The following GOLGA8K variants were observed in gnomAD, a reference collection of about 807,000 sequenced individuals.
GOLGA8K encodes golgin subfamily A member 8K.
Under a neutral mutation model 75.2 loss-of-function variants are expected in GOLGA8K, and 12 were observed. The observed-to-expected ratio is 0.16, with a 90% CI of 0.10 to 0.26. The LOEUF (loss-of-function observed/expected upper bound fraction) is 0.26, where lower values mean the gene tolerates loss of function less well. GOLGA8K is among the 10% of genes least tolerant of loss of function. The pLI is 1.00. For missense variants in GOLGA8K, 109 were observed against 640.8 expected (o/e 0.17, Z 8.96); for synonymous variants, 48 against 236.6 (o/e 0.20, Z 7.32).
intron 10 of GOLGA8K, 73 bp from the exon 11 acceptor site, chr15:32,397,080 T>G: frequency 1.7e-6 from 1 of 580,654 alleles, no homozygotes; most frequent in Non-Finnish European, 2.9e-6. Flanking sequence ...TCTCCCTCTC[T>G]GCCCCCACCT....
chr15:32,397,478 G>C lies in GOLGA8K; in HGVS notation c.617C>G (p.Thr206Arg). ...NQLSSRSKAR[T>R]EWKLEQSMRE... ...CATGGACTGCTCTAACTTCCACTCC[G>C]TACGTGCTTTGCTGCGGCTGGACAA... is the stretch of plus-strand genomic sequence containing the variant. The change falls in exon 9 of 19, where the codon ACG becomes AGG. Residue 206 changes from threonine (T) to arginine (R), a missense_variant. Transcript: ENST00000512626. The C allele has an allele frequency of 6.5e-7, 1 of 1,536,962 alleles. No homozygotes were observed.
chr15:32,396,253 G>A, intron 12 of GOLGA8K, 34 bp downstream of exon 12: 1 of 652,434 alleles, frequency 1.5e-6, no homozygotes, highest in Non-Finnish European at 2.4e-6. Context: ...GAGGGCTAGG[G>A]AGGAGGGCAA....
chr15:32,398,197 C>T (rs960597549), intron 8 of GOLGA8K, among the ~76,000 whole-genome samples: 8 of 144,746 alleles, frequency 5.5e-5, no homozygotes, highest in African/African-American at 1.0e-4. Context: ...CACACATGCA[C>T]GCGTTTCCTC....
At chr15:32,398,368 C>A (rs1230869524) in intron 8 of GOLGA8K, among the ~76,000 whole-genome samples, 192 bp downstream of exon 8, 1 of 145,008 alleles carries the variant, frequency 6.9e-6, no homozygotes, top group Non-Finnish European at 1.5e-5. Context: ...TCACTCCACA[C>A]AGTGACCCCC....
chr15:32,401,669 G>A (rs2054691123), intron 1 of GOLGA8K, among the ~76,000 whole-genome samples, 194 bp from the exon 2 acceptor site: 1 of 85,578 alleles, frequency 1.2e-5, no homozygotes, highest in Non-Finnish European at 2.4e-5. Flanking sequence ...AAAGAAAAAG[G>A]CAATACTGGA....
rs765206727 is a variant in GOLGA8K at position 32,394,772 on chromosome 15, G to T, written c.1201-32C>A. The T allele has an allele frequency of 1.0e-5, 15 of 1,503,656 alleles. No homozygotes were observed. In the South Asian group the frequency reaches 1.6e-4, roughly 16 times the overall value. The allele number at this position is 1,503,656 out of a possible 1,614,324, so 93.1% of individuals were successfully genotyped here. On this transcript the variant is annotated intron_variant, in intron 13 of 18. Transcript: ENST00000512626. ...GGCCAGGACAGAGTGAGAAGGGGTG[G>T]AGTTTGCCAGGTCATCCCCCTCACA...
intron 10 of GOLGA8K, 65 bp from the exon 11 acceptor site, chr15:32,397,072 T>A: frequency 1.7e-6 from 1 of 574,360 alleles, no homozygotes; most frequent in Non-Finnish European, 3.0e-6. Flanking sequence ...GGCTGCCCTC[T>A]CCCTCTCTGC....
chr15:32,396,128 T>G, intron 12 of GOLGA8K, 97 bp from the exon 13 acceptor site: 2 of 699,774 alleles, frequency 2.9e-6, no homozygotes, highest in Non-Finnish European at 4.7e-6. Context: ...TGGAGGCAGG[T>G]TAGAAAAATC....
rs200244223 is a variant in GOLGA8K, at chr15:32,393,342, C to T, written c.1512G>A (p.Ala504=). ...LSEPGGCAKD[A]ALGGGHHQAG... The stretch of plus-strand genomic sequence containing the variant: ...CCTGATGGTGTCCTCCTCCCAGTGC[C>T]GCATCTTTGGCACAGCCCCCTGGTT... The change falls in exon 17 of 19, where the codon GCG becomes GCA. Residue 504 remains alanine, a synonymous_variant. Transcript: ENST00000512626. 2.9e-3 allele frequency: 3,018 copies of T among 1,025,984 alleles called. 276 individuals carry two copies. Among genetic ancestry groups the T allele is most frequent in the Middle Eastern group, 0.01 (33 of 3,232 alleles). The allele number at this position is 1,025,984 out of a possible 1,614,324, so 63.6% of individuals were successfully genotyped here. A position where few individuals can be genotyped will look rare whatever the true frequency, so the allele number is the denominator to read the frequency against.
intron 14 of GOLGA8K, 194 bp downstream of exon 14, chr15:32,394,471 A>G: frequency 1.6e-6 from 1 of 615,984 alleles, no homozygotes; most frequent in Non-Finnish European, 2.8e-6. Flanking sequence ...TGGCCAGTTC[A>G]GCCATCCTTA....
intron 12 of GOLGA8K, 112 bp from the exon 13 acceptor site, chr15:32,396,143 C>T (rs1240623089): frequency 4.3e-6 from 3 of 700,626 alleles, no homozygotes; most frequent in Non-Finnish European, 2.3e-6. Context: ...AAAATCACTC[C>T]CTCTCTCCCA....
At position 32,394,193 on chromosome 15, in the gene GOLGA8K, A is replaced by G. The variant is rs1286678910; in HGVS notation, c.1317T>C (p.Pro439=). The change falls in exon 15 of 19, where the codon CCT becomes CCC. Residue 439 remains proline, a synonymous_variant. Coordinates refer to ENST00000512626, the MANE Select transcript of GOLGA8K (RefSeq NM_001282493.2). The part of the protein sequence containing the change: ...EHLDSEGEEA[P]QPMPSVPEDL... ...CCTCTGGGACACTCGGCATGGGCTG[A>G]GGTGCCTCCTCCCCCTCACTGTCCA... 1 of 1,453,838 alleles carries G rather than the reference A, an allele frequency of 6.9e-7. No individual in the cohort carries two copies. Among genetic ancestry groups the G allele is most frequent in the Non-Finnish European group, 9.2e-7 (1 of 1,087,244 alleles). The allele number at this position is 1,453,838 out of a possible 1,614,324, so 90.1% of individuals were successfully genotyped here.
At chr15:32,401,616 T>C (rs2054690502) in intron 1 of GOLGA8K, 141 bp from the exon 2 acceptor site, 2 of 596,780 alleles carry the variant, frequency 3.4e-6, no homozygotes, top group East Asian at 9.8e-5. Context: ...GTCACACTCA[T>C]TTAGTGACTG....
rs1265924075 is a variant in GOLGA8K, at chr15:32,395,714, CTCT to C, written c.1200+246_1200+248del. Among the ~76,000 whole-genome samples the C allele has an allele frequency of 3.5e-4, 51 of 147,170 alleles. No individual in the cohort carries two copies. The East Asian group carries it at 0.01, about 29-fold the overall frequency. ...CATAAGGAGCCTGTTATACCACTGT[CTCT>C]TCCCCTGTGATTGGGGGCTCCATGC... On this transcript the variant is annotated intron_variant, in intron 13 of 18. Transcript: ENST00000512626.
intron 2 of GOLGA8K, among the ~76,000 whole-genome samples, 200 bp downstream of exon 2, chr15:32,401,156 C>G (rs1373145708): frequency 7.6e-6 from 1 of 131,964 alleles, no homozygotes; most frequent in Non-Finnish European, 1.6e-5. Context: ...CCGTGTTAAC[C>G]AGGATGGTCT....
rs1223463666 is a variant in GOLGA8K at position 32,394,379 on chromosome 15, GA to G, written c.1277-147del. 4.9e-5 allele frequency: 37 copies of G among 748,154 alleles called. 3 individuals are homozygous for G. Among genetic ancestry groups the G allele is most frequent in the Non-Finnish European group, 7.2e-5 (34 of 475,008 alleles). The allele number at this position is 748,154 out of a possible 1,614,324, so 46.3% of individuals were successfully genotyped here. A position where few individuals can be genotyped will look rare whatever the true frequency, so the allele number is the denominator to read the frequency against. ...TGTTGTTCTTTATTTTTACTTTTAA[GA>G]ATCAAGAGCTTGCTATTCCGCCCAG... On this transcript the variant is annotated intron_variant, in intron 14 of 18. Transcript: ENST00000512626.
rs1184522944 is a variant in GOLGA8K, at chr15:32,392,352, G to C, written c.*430C>G. On this transcript the variant is annotated 3_prime_UTR_variant, in exon 19 of 19. Coordinates refer to ENST00000512626, the MANE Select transcript of GOLGA8K (RefSeq NM_001282493.2). ...GAAGAGCTCACTGTGATTAAGATTAGATCAAACAACAGCAGAACATAGGCA... is the reference window on the plus strand; with the variant it reads ...GAAGAGCTCACTGTGATTAAGATTACATCAAACAACAGCAGAACATAGGCA... 2.4e-3 allele frequency among the ~76,000 whole-genome samples: 279 copies of C among 116,062 alleles called. 2 individuals are homozygous for C. Among genetic ancestry groups the C allele is most frequent in the African/African-American group, 6.4e-3 (238 of 36,990 alleles). 76.1% of individuals were successfully genotyped at this position (116,062 alleles called of 152,430 possible).
At chr15:32,395,633 C>T (rs2054601618) in intron 13 of GOLGA8K, among the ~76,000 whole-genome samples, 1 of 144,994 alleles carries the variant, frequency 6.9e-6, no homozygotes, top group African/African-American at 2.5e-5. Flanking sequence ...TCAAGTGATT[C>T]TCCTGCCTCA....
Position 32,393,427 on chromosome 15 carries a change from C to T in GOLGA8K, c.1464-37G>A, listed in dbSNP as rs552397579. The T allele has an allele frequency of 2.6e-4, 288 of 1,096,624 alleles. 49 individuals carry two copies. Among genetic ancestry groups the T allele is most frequent in the South Asian group, 2.4e-3 (170 of 69,828 alleles). 67.9% of individuals were successfully genotyped at this position (1,096,624 alleles called of 1,614,324 possible). ...CAGGGCTCAGACGCTGGGGCCCCTC[C>T]GACGGCCCTGTAGCTCCCCCTGCTG... On this transcript the variant is annotated intron_variant, in intron 16 of 18. Transcript: ENST00000512626.
Sources: allele counts gnomAD v4.1 joint callset (sites outside exome capture counted in the v4.1 genomes callset), GRCh38; gene constraint gnomAD v4.1.1; transcripts MANE v1.5; gene names NCBI Gene and HGNC (gene_info 2026-07-23, HGNC 2026-07-21).